ADAMTSL1: variants seen among roughly 807,000 people sequenced by gnomAD.
The protein encoded by ADAMTSL1 is ADAMTS-like protein 1.
ADAMTSL1 carries 126 observed loss-of-function variants against 201.8 expected under a neutral mutation model. The ratio of observed to expected loss-of-function variants is 0.62; its 90% CI spans 0.54 to 0.72. ADAMTSL1 has a LOEUF of 0.72. Among genes scored for constraint, ADAMTSL1 ranks in the 30% least tolerant of loss-of-function variants. The pLI, the probability that ADAMTSL1 is intolerant of heterozygous loss-of-function variation, is 0.00. For missense variants in ADAMTSL1, 2,679 were observed against 2,277.8 expected (o/e 1.18, Z -3.59); for synonymous variants, 1,121 against 903.4 (o/e 1.24, Z -4.32).
chr9:18,623,986 T>G (rs1826198199), intron 5 of ADAMTSL1, among the ~76,000 whole-genome samples: 1 of 152,166 alleles, frequency 6.6e-6, no homozygotes, highest in African/African-American at 2.4e-5. Flanking sequence ...CAGATGCAGT[T>G]ATTCTGGTAT....
At chr9:18,680,206 A>G in intron 10 of ADAMTSL1, 106 bp from the exon 11 acceptor site, 9 of 1,197,120 alleles carry the variant, frequency 7.5e-6, no homozygotes, top group Non-Finnish European at 8.2e-6. Context: ...TTAGCCTCTC[A>G]GAACCTGATT....
At chr9:18,511,984 T>C (rs1818058366) in intron 2 of ADAMTSL1, among the ~76,000 whole-genome samples, 1 of 152,196 alleles carries the variant, frequency 6.6e-6, no homozygotes, top group African/African-American at 2.4e-5. Context: ...CATCTGGTGT[T>C]ATATGTTATC....
chr9:18,604,040 G>A (rs937717346), intron 4 of ADAMTSL1, among the ~76,000 whole-genome samples: 1 of 152,202 alleles, frequency 6.6e-6, no homozygotes, highest in Admixed American at 6.5e-5. Context: ...ATGCATTTGG[G>A]TTGTCCTTAC....
Position 18,314,560 on chromosome 9 carries a change from C to T in ADAMTSL1, c.207+150579C>T, listed in dbSNP as rs940904163. Among the ~76,000 whole-genome samples the T allele has an allele frequency of 3.3e-5, 5 of 151,524 alleles. No individual in the cohort carries two copies. In the East Asian group the frequency reaches 9.7e-4, roughly 30 times the overall value. On this transcript the variant is annotated intron_variant, in intron 2 of 29. Transcript: ENST00000680146. ...TCCTTCCTCCCGTCCGCAGTTGTTC[C>T]TTCCTCCCGTCTGGAGTTGTTCATC...
chr9:18,662,387 A>C (rs991940434), intron 9 of ADAMTSL1, among the ~76,000 whole-genome samples: 1 of 152,118 alleles, frequency 6.6e-6, no homozygotes, highest in Admixed American at 6.5e-5. Flanking sequence ...GTCCAGGCCA[A>C]TGGACCACTC....
At position 18,905,867 on chromosome 9, in the gene ADAMTSL1, C is replaced by T. The variant is rs761082826; in HGVS notation, c.4937C>T (p.Ser1646Leu). 3.1e-6 allele frequency: 5 copies of T among 1,612,582 alleles called. No homozygotes were observed. The South Asian group carries it at 5.5e-5, about 18-fold the overall frequency. ...CQTRDGITLP[S>L]EQCSALPRPV... ...ACACGGGATGGCATCACCTTACCAT[C>T]AGAGCAGTGCAGTGCTCTTCCGAGG... Residue 1646 changes from serine to leucine, a missense_variant, in exon 27 of 29, where the codon TCA (serine) becomes TTA (leucine). By Grantham distance (145) the Ser-to-Leu change is moderately radical. Coordinates refer to ENST00000380548, the MANE Select transcript of ADAMTSL1 (RefSeq NM_001040272.6).
chr9:18,873,193 A>T (rs1396420307), intron 23 of ADAMTSL1, among the ~76,000 whole-genome samples: 1 of 151,878 alleles, frequency 6.6e-6, no homozygotes, highest in African/African-American at 2.4e-5. Context: ...TAGATTCTGG[A>T]TATTAGTCCT....
chr9:17,917,056 T>G (rs1267123551), intron 1 of ADAMTSL1, among the ~76,000 whole-genome samples: 1 of 152,262 alleles, frequency 6.6e-6, no homozygotes, highest in African/African-American at 2.4e-5. Flanking sequence ...AGTTTCCAAT[T>G]CTTTTTTTGT....
At chr9:18,124,208 G>A (rs1564013013) in intron 1 of ADAMTSL1, among the ~76,000 whole-genome samples, 4 of 146,590 alleles carry the variant, frequency 2.7e-5, no homozygotes, top group South Asian at 2.3e-4. Flanking sequence ...TCAGCCTCCC[G>A]AGTAGCTGGG....
At chr9:18,489,157 C>G (rs971234020) in intron 1 of ADAMTSL1, among the ~76,000 whole-genome samples, 3 of 152,148 alleles carry the variant, frequency 2.0e-5, no homozygotes, top group African/African-American at 7.2e-5. Flanking sequence ...ACAGAGTTGA[C>G]AATCACTGAT....
chr9:18,541,239 A>G (rs1891041), intron 3 of ADAMTSL1, among the ~76,000 whole-genome samples: 4,737 of 152,314 alleles, frequency 0.031, 119 homozygotes, highest in East Asian at 0.1. Context: ...TGGCAGGCGC[A>G]GTGGCTCATG....
At chr9:17,983,072 C>G (rs146508976) in intron 1 of ADAMTSL1, among the ~76,000 whole-genome samples, 1 of 100,316 alleles carries the variant, frequency 1.0e-5, no homozygotes, top group Non-Finnish European at 2.0e-5. Flanking sequence ...TTCTTTCTTT[C>G]TTTCTTTTTT....
chr9:18,315,141 T>A (rs369673389), intron 2 of ADAMTSL1, among the ~76,000 whole-genome samples: 1 of 152,102 alleles, frequency 6.6e-6, no homozygotes, highest in African/African-American at 2.4e-5. Flanking sequence ...TGGTCCTTTT[T>A]GACAGGGTGC....
chr9:18,777,164 G>A lies in ADAMTSL1; in HGVS notation c.2935G>A (p.Glu979Lys). The stretch of plus-strand genomic sequence containing the variant: ...GCCCTTGAGCCCGAGAAGTGAGGAA[G>A]AGGTGCTTGCGGGGAGGAAGGGCGG... ...ARPLSPRSEE[E>K]VLAGRKGGPK... The change falls in exon 19 of 29, where the codon GAG becomes AAG. Residue 979 changes from glutamate (E) to lysine (K), a missense_variant. Coordinates refer to ENST00000380548, the MANE Select transcript of ADAMTSL1 (RefSeq NM_001040272.6). 6.2e-7 allele frequency: 1 copy of A among 1,612,952 alleles called. No individual in the cohort carries two copies. Among genetic ancestry groups the A allele is most frequent in the Non-Finnish European group, 8.5e-7 (1 of 1,179,806 alleles).
intron 9 of ADAMTSL1, among the ~76,000 whole-genome samples, chr9:18,662,771 G>A (rs561962713): frequency 2.0e-5 from 3 of 152,302 alleles, no homozygotes; most frequent in African/African-American, 7.2e-5. Flanking sequence ...TATCTCAAGT[G>A]AAGAGTAGTC....
chr9:18,656,377 A>T (rs2095102), intron 7 of ADAMTSL1, among the ~76,000 whole-genome samples: 18,609 of 152,098 alleles, frequency 0.12, 1,360 homozygotes, highest in Non-Finnish European at 0.16. Flanking sequence ...CACGCCTGTT[A>T]TCCCAGCACT....
intron 13 of ADAMTSL1, among the ~76,000 whole-genome samples, chr9:18,690,984 T>C (rs1288491620): frequency 6.6e-6 from 1 of 152,214 alleles, no homozygotes; most frequent in Non-Finnish European, 1.5e-5. Flanking sequence ...AAATAACCAG[T>C]CTTTGCCCTC....
intron 1 of ADAMTSL1, among the ~76,000 whole-genome samples, chr9:18,075,318 A>G (rs189700050): frequency 6.6e-6 from 1 of 152,332 alleles, no homozygotes; most frequent in Admixed American, 6.5e-5. Flanking sequence ...ATGCATTTTT[A>G]AAAAGTGAAG....
chr9:17,923,533 A>G (rs1302070034), intron 1 of ADAMTSL1, among the ~76,000 whole-genome samples: 17 of 151,656 alleles, frequency 1.1e-4, no homozygotes, highest in Middle Eastern at 3.4e-3. Context: ...GGCTGAGACA[A>G]TGGGGTTTTC....
Sources: allele counts gnomAD v4.1 joint callset (sites outside exome capture counted in the v4.1 genomes callset), GRCh38; gene constraint gnomAD v4.1.1; transcripts MANE v1.5; gene names NCBI Gene and HGNC (gene_info 2026-07-23, HGNC 2026-07-21).